Variants in SBF2 observed in about 807,000 individuals in gnomAD.
SBF2 encodes myotubularin-related protein 13.
Under a neutral mutation model 225.2 loss-of-function variants are expected in SBF2, and 112 were observed. The observed-to-expected ratio is 0.50, with a 90% CI of 0.43 to 0.58. The LOEUF is 0.58. Ranked by LOEUF, SBF2 falls within the 20% of genes least tolerant of loss-of-function variation. The pLI is 0.00. For synonymous variants in SBF2, 763 were observed against 773.3 expected (o/e 0.99, Z 0.22); for missense variants, 1,996 against 2,206.2 (o/e 0.90, Z 1.91).
chr11:9,965,172 G>A (rs991545663), intron 14 of SBF2, among the ~76,000 whole-genome samples: 1 of 152,006 alleles, frequency 6.6e-6, no homozygotes, highest in Non-Finnish European at 1.5e-5. Flanking sequence ...CTACTCTTTG[G>A]ATTCTAAAGG....
chr11:10,288,186 A>G (rs978934279), intron 1 of SBF2, among the ~76,000 whole-genome samples: 1 of 152,168 alleles, frequency 6.6e-6, no homozygotes, highest in Admixed American at 6.5e-5. Context: ...CACCTGCAAC[A>G]TGGTGAGCAA....
intron 6 of SBF2, among the ~76,000 whole-genome samples, chr11:10,020,396 C>A (rs1040141575): frequency 2.0e-5 from 3 of 152,082 alleles, no homozygotes; most frequent in Admixed American, 2.0e-4. Context: ...TGCAGAGAGC[C>A]TACCTCAAGG....
chr11:9,977,456 C>CT, intron 13 of SBF2, among the ~76,000 whole-genome samples: 1 of 150,718 alleles, frequency 6.6e-6, no homozygotes, highest in Middle Eastern at 3.4e-3. Flanking sequence ...CACTGCACTC[C>CT]TTTCTGGGTG....
At chr11:9,931,153 T>C (rs1180855234) in intron 16 of SBF2, among the ~76,000 whole-genome samples, 2 of 152,390 alleles carry the variant, frequency 1.3e-5, no homozygotes, top group Admixed American at 6.5e-5. Context: ...ACTGCCTCTA[T>C]GGACTCCACC....
chr11:9,897,243 A>ATT (rs113103052), intron 16 of SBF2, among the ~76,000 whole-genome samples: 2 of 148,722 alleles, frequency 1.3e-5, no homozygotes, highest in East Asian at 2.0e-4. Context: ...ATGTTAGATA[A>ATT]TTTTTTTTTT....
intron 7 of SBF2, among the ~76,000 whole-genome samples, chr11:10,002,108 A>G (rs927866749): frequency 3.3e-5 from 5 of 152,180 alleles, no homozygotes; most frequent in African/African-American, 9.6e-5. Flanking sequence ...GGCTACATAT[A>G]TATTTCTACC....
chr11:10,170,124 C>A (rs969023269), intron 2 of SBF2, among the ~76,000 whole-genome samples: 2 of 151,980 alleles, frequency 1.3e-5, no homozygotes, highest in African/African-American at 4.8e-5. Flanking sequence ...TGTACAGAAG[C>A]TTTTTAAGTT....
intron 16 of SBF2, among the ~76,000 whole-genome samples, chr11:9,897,666 T>G (rs1389429600): frequency 6.6e-6 from 1 of 152,190 alleles, no homozygotes; most frequent in African/African-American, 2.4e-5. Context: ...AGCCCTGACC[T>G]TAGACAATGT....
chr11:10,198,977 T>C (rs762867447), intron 1 of SBF2, among the ~76,000 whole-genome samples: 2 of 152,224 alleles, frequency 1.3e-5, no homozygotes, highest in African/African-American at 4.8e-5. Context: ...TCAGTAATAA[T>C]GCTGTCTCAT....
At chr11:10,278,062 C>T (rs1342963087) in intron 1 of SBF2, among the ~76,000 whole-genome samples, 1 of 152,158 alleles carries the variant, frequency 6.6e-6, no homozygotes, top group Non-Finnish European at 1.5e-5. Context: ...TATTAATTTT[C>T]CCAAAAGACC....
intron 1 of SBF2, among the ~76,000 whole-genome samples, chr11:10,212,367 C>T (rs1355000813): frequency 6.6e-6 from 1 of 152,204 alleles, no homozygotes; most frequent in Non-Finnish European, 1.5e-5. Flanking sequence ...CCAATAACTC[C>T]TGAAAGGTTT....
At chr11:10,227,565 T>G (rs893537089) in intron 1 of SBF2, among the ~76,000 whole-genome samples, 14 of 152,228 alleles carry the variant, frequency 9.2e-5, no homozygotes, top group African/African-American at 3.4e-4. Flanking sequence ...CCAGCACCAT[T>G]TATTAAATAG....
At chr11:10,089,680 T>G (rs920000362) in intron 2 of SBF2, among the ~76,000 whole-genome samples, 2 of 152,176 alleles carry the variant, frequency 1.3e-5, no homozygotes, top group African/African-American at 4.8e-5. Context: ...AGATAAAATT[T>G]TAAACATTAA....
At chr11:10,064,881 A>G (rs1454667070) in intron 2 of SBF2, among the ~76,000 whole-genome samples, 1 of 152,224 alleles carries the variant, frequency 6.6e-6, no homozygotes, top group Non-Finnish European at 1.5e-5. Context: ...ATAGAAAAAT[A>G]GTGAGGATAT....
chr11:10,276,981 C>T (rs1015195445), intron 1 of SBF2, among the ~76,000 whole-genome samples: 13 of 152,064 alleles, frequency 8.5e-5, no homozygotes, highest in African/African-American at 1.2e-4. Context: ...CCTGTAATAT[C>T]AGCACTTTGG....
intron 1 of SBF2, among the ~76,000 whole-genome samples, chr11:10,199,397 C>T (rs917053352): frequency 6.6e-6 from 1 of 151,872 alleles, no homozygotes; most frequent in Non-Finnish European, 1.5e-5. Flanking sequence ...AGCTTGAAAA[C>T]TTGTGAGATT....
At chr11:10,186,983 A>C (rs1565333901) in intron 2 of SBF2, among the ~76,000 whole-genome samples, 1 of 152,258 alleles carries the variant, frequency 6.6e-6, no homozygotes, top group Non-Finnish European at 1.5e-5. Context: ...AGTGTGGCAG[A>C]GGAAAGCTAT....
At chr11:9,962,673 CT>C (rs1023182601) in intron 15 of SBF2, among the ~76,000 whole-genome samples, 2 of 152,184 alleles carry the variant, frequency 1.3e-5, no homozygotes, top group African/African-American at 4.8e-5. Flanking sequence ...CATTAAAACT[CT>C]TTTCGCTTTA....
At chr11:10,189,889 C>T (rs1052275315) in intron 2 of SBF2, among the ~76,000 whole-genome samples, 1 of 152,096 alleles carries the variant, frequency 6.6e-6, no homozygotes, top group Non-Finnish European at 1.5e-5. Flanking sequence ...TGGTGGCTCA[C>T]ATCTGTAATC....
Sources: gnomAD v4.1 joint callset for allele counts (sites outside exome capture counted in the v4.1 genomes callset) on GRCh38, gnomAD v4.1.1 for gene constraint, MANE v1.5 for transcripts, NCBI Gene and HGNC (gene_info 2026-07-23, HGNC 2026-07-21) for gene names.